The following SLC25A26 variants were observed in gnomAD, a reference collection of about 807,000 sequenced individuals.
SLC25A26 encodes mitochondrial S-adenosylmethionine carrier protein.
SLC25A26 carries 36 observed loss-of-function variants against 37.8 expected under a neutral mutation model. The observed-to-expected ratio is 0.95, with a 90% CI of 0.73 to 1.26. SLC25A26 has a LOEUF of 1.26. Among genes scored for constraint, SLC25A26 ranks in the 50% most tolerant of loss-of-function variants. The pLI is 0.00. For synonymous variants in SLC25A26, 129 were observed against 122.5 expected (o/e 1.05, Z -0.35); for missense variants, 390 against 331.1 (o/e 1.18, Z -1.38).
intron 3 of SLC25A26, among the ~76,000 whole-genome samples, chr3:66,252,158 A>AT (rs1223422501): frequency 9.9e-5 from 15 of 152,250 alleles, no homozygotes; most frequent in Non-Finnish European, 1.5e-5. Context: ...CTTCCAAGCG[A>AT]GCCTGAACTC....
chr3:66,157,466 C>T (rs1281873452), intron 1 of SLC25A26, among the ~76,000 whole-genome samples: 1 of 152,200 alleles, frequency 6.6e-6, no homozygotes, highest in Non-Finnish European at 1.5e-5. Context: ...CATTAATTCA[C>T]TTAACTTCTA....
At chr3:66,136,108 G>A (rs2069943511) in intron 1 of SLC25A26, among the ~76,000 whole-genome samples, 1 of 152,198 alleles carries the variant, frequency 6.6e-6, no homozygotes, top group Admixed American at 6.5e-5. Flanking sequence ...AGGAAATTCT[G>A]TCCTGCGGAC....
At chr3:66,320,524 G>T (rs9819873) in intron 5 of SLC25A26, among the ~76,000 whole-genome samples, 26,261 of 152,154 alleles carry the variant, frequency 0.17, 2,431 homozygotes, top group Non-Finnish European at 0.2. Flanking sequence ...TTTGGCTATT[G>T]TGAATAAGGC....
chr3:66,245,443 T>C (rs2072787122), intron 3 of SLC25A26, among the ~76,000 whole-genome samples: 1 of 152,156 alleles, frequency 6.6e-6, no homozygotes, highest in Non-Finnish European at 1.5e-5. Flanking sequence ...TGCAGTCTTA[T>C]TAAACCCCCA....
intron 3 of SLC25A26, among the ~76,000 whole-genome samples, chr3:66,256,636 T>G (rs186784885): frequency 6.6e-6 from 1 of 152,284 alleles, no homozygotes; most frequent in African/African-American, 2.4e-5. Context: ...TGGCTCTCGC[T>G]TGTAATTCCA....
At chr3:66,302,263 C>G (rs1445366457) in intron 5 of SLC25A26, among the ~76,000 whole-genome samples, 1 of 152,210 alleles carries the variant, frequency 6.6e-6, no homozygotes, top group Admixed American at 6.5e-5. Flanking sequence ...AAATGTTGGA[C>G]TCAAGGTTTT....
At chr3:66,277,458 G>A (rs370803213) in intron 5 of SLC25A26, among the ~76,000 whole-genome samples, 1 of 152,014 alleles carries the variant, frequency 6.6e-6, no homozygotes, top group African/African-American at 2.4e-5. Context: ...GGGAGATGTT[G>A]TTCAAAGGGT....
intron 5 of SLC25A26, 31 bp from the exon 6 acceptor site, chr3:66,346,333 A>C: frequency 7.5e-7 from 1 of 1,328,604 alleles, no homozygotes; most frequent in Non-Finnish European, 1.0e-6. Flanking sequence ...TTTTTTGCCT[A>C]ATTTATTTAA....
chr3:66,137,383 G>A (rs2069963158), intron 1 of SLC25A26, among the ~76,000 whole-genome samples: 1 of 151,718 alleles, frequency 6.6e-6, no homozygotes, highest in Admixed American at 6.6e-5. Flanking sequence ...CCTGCCACCA[G>A]GCCTGGGTAA....
chr3:66,225,181 C>T (rs1442844378), intron 1 of SLC25A26, among the ~76,000 whole-genome samples: 1 of 152,182 alleles, frequency 6.6e-6, no homozygotes, highest in Non-Finnish European at 1.5e-5. Context: ...CATTTCCCTT[C>T]CACACTGCCC....
intron 1 of SLC25A26, among the ~76,000 whole-genome samples, chr3:66,209,898 T>TATATATATATATATATA (rs2071256377): frequency 5.2e-5 from 2 of 38,614 alleles, no homozygotes; most frequent in Non-Finnish European, 1.0e-4. Context: ...CTCTCTCTAT[T>TATATATATATATATATA]TATATATATA....
chr3:66,235,855 A>T (rs143028151), intron 1 of SLC25A26, among the ~76,000 whole-genome samples: 1,563 of 152,352 alleles, frequency 0.01, 28 homozygotes, highest in African/African-American at 0.035. Context: ...TAGGAACAAG[A>T]TTGGAAGGAG....
intron 5 of SLC25A26, among the ~76,000 whole-genome samples, chr3:66,332,977 T>C (rs1056101027): frequency 6.6e-6 from 1 of 152,196 alleles, no homozygotes; most frequent in Admixed American, 6.5e-5. Flanking sequence ...ATGTTGTGTT[T>C]GGGGTTTGCT....
chr3:66,238,554 T>C (rs868918902), intron 2 of SLC25A26, among the ~76,000 whole-genome samples: 5 of 152,096 alleles, frequency 3.3e-5, no homozygotes, highest in African/African-American at 1.2e-4. Context: ...GGCTAATTTT[T>C]TTATTTTTAG....
intron 1 of SLC25A26, among the ~76,000 whole-genome samples, chr3:66,225,613 A>G (rs2071708500): frequency 6.6e-6 from 1 of 152,176 alleles, no homozygotes; most frequent in South Asian, 2.1e-4. Context: ...CTGGTTATTT[A>G]TGCAAATTTC....
At chr3:66,158,941 C>T (rs1345566424) in intron 1 of SLC25A26, among the ~76,000 whole-genome samples, 1 of 152,080 alleles carries the variant, frequency 6.6e-6, no homozygotes, top group African/African-American at 2.4e-5. Flanking sequence ...AGGGGACCTT[C>T]CCCCATACTG....
At chr3:66,337,382 T>A (rs2076113785) in intron 5 of SLC25A26, among the ~76,000 whole-genome samples, 1 of 152,026 alleles carries the variant, frequency 6.6e-6, no homozygotes, top group African/African-American at 2.4e-5. Context: ...ACATTAGAAA[T>A]GATTGATTAA....
chr3:66,136,096 C>G (rs967437250), intron 1 of SLC25A26, among the ~76,000 whole-genome samples: 6 of 152,176 alleles, frequency 3.9e-5, no homozygotes, highest in Non-Finnish European at 8.8e-5. Flanking sequence ...CATAATCATG[C>G]AAGGAAATTC....
chr3:66,375,597 G>A (rs1173393564), intron 9 of SLC25A26, among the ~76,000 whole-genome samples: 3 of 152,196 alleles, frequency 2.0e-5, no homozygotes. Flanking sequence ...TGCCTCTGCT[G>A]TAGAAATGGA....
Sources: gnomAD v4.1 joint callset for allele counts (sites outside exome capture counted in the v4.1 genomes callset) on GRCh38, gnomAD v4.1.1 for gene constraint, MANE v1.5 for transcripts, NCBI Gene and HGNC (gene_info 2026-07-23, HGNC 2026-07-21) for gene names.